The following SORCS1 variants were observed in gnomAD, a reference collection of about 807,000 sequenced individuals.
SORCS1 encodes VPS10 domain-containing receptor SorCS1.
SORCS1 carries 60 observed loss-of-function variants against 146.1 expected under a neutral mutation model. The observed-to-expected ratio is 0.41, with a 90% confidence interval of 0.33 to 0.51. The LOEUF is 0.51. Ranked by LOEUF, SORCS1 falls within the 20% of genes least tolerant of loss-of-function variation. The pLI is 0.21. For missense variants in SORCS1, 1,352 were observed against 1,487.6 expected, an observed-to-expected ratio of 0.91 and a Z score of 1.50; for synonymous variants, 637 against 584.0, an observed-to-expected ratio of 1.09 and a Z score of -1.31.
At chr10:107,174,940 A>T in the SORCS1 span, among the ~76,000 whole-genome samples, 1 of 152,092 alleles carries the variant, frequency 6.6e-6, no homozygotes, top group South Asian at 2.1e-4. Context: ...TATTATATTA[A>T]TTTTTTAAAT....
chr10:106,723,164 C>T lies in SORCS1; in HGVS notation c.1024+6886G>A, dbSNP rs1052996919. 3.9e-5 allele frequency among the ~76,000 whole-genome samples: 6 copies of T among 152,034 alleles called. No individual in the cohort carries two copies. The East Asian group carries it at 5.8e-4, about 15-fold the overall frequency. On this transcript the variant is annotated intron_variant, in intron 6 of 25. Transcript: ENST00000263054. ...GGTGAGACCTTATCTCTACTAAAAA[C>T]GTAAAATAAAATAAAAAAGAATGTT...
chr10:107,080,630 T>C (rs1963260185), intron 1 of SORCS1, among the ~76,000 whole-genome samples: 1 of 152,170 alleles, frequency 6.6e-6, no homozygotes, highest in East Asian at 1.9e-4. Flanking sequence ...ACCGACACAA[T>C]AAGAAAGTAT....
chr10:106,824,788 C>G (rs1948218563), intron 3 of SORCS1, among the ~76,000 whole-genome samples: 1 of 152,094 alleles, frequency 6.6e-6, no homozygotes, highest in African/African-American at 2.4e-5. Context: ...TACCAAGAGA[C>G]CCGTAGGAAT....
upstream of SORCS1, among the ~76,000 whole-genome samples, chr10:107,169,270 T>C (rs1481724666): frequency 1.3e-5 from 2 of 152,184 alleles, no homozygotes; most frequent in Non-Finnish European, 2.9e-5. Flanking sequence ...GTGTCTTGTC[T>C]TGCATTTCAG....
chr10:106,994,851 G>C (rs1193914847), intron 1 of SORCS1, among the ~76,000 whole-genome samples: 1 of 152,170 alleles, frequency 6.6e-6, no homozygotes, highest in East Asian at 1.9e-4. Context: ...CTAGAGGCAG[G>C]CACCAAAATG....
rs560107003 is a variant in SORCS1 at position 107,045,824 on chromosome 10, C to T, written c.559-89244G>A. Among the ~76,000 whole-genome samples the T allele has an allele frequency of 7.4e-5, 11 of 148,124 alleles. No individual in the cohort carries two copies. In the East Asian group the frequency reaches 1.4e-3, roughly 18 times the overall value. On this transcript the variant is annotated intron_variant, in intron 1 of 25. Transcript: ENST00000263054. ...TCTCAGTTGTGTTCTTATTCTGTCA[C>T]CCAGGCTGGAATACAGTGGCATAAC... is the stretch of plus-strand genomic sequence containing the variant.
intron 1 of SORCS1, among the ~76,000 whole-genome samples, chr10:106,993,047 G>C (rs557948661): frequency 6.6e-6 from 1 of 150,850 alleles, no homozygotes; most frequent in Middle Eastern, 3.4e-3. Flanking sequence ...GGCCAGGATG[G>C]TCTCTATCTC....
intron 2 of SORCS1, among the ~76,000 whole-genome samples, chr10:106,868,860 T>A (rs1244904850): frequency 1.3e-5 from 2 of 151,588 alleles, no homozygotes; most frequent in African/African-American, 4.9e-5. Context: ...CTAAAGAAAA[T>A]CACGACATGA....
chr10:107,049,938 G>A (rs1006303624), intron 1 of SORCS1, among the ~76,000 whole-genome samples: 1 of 152,118 alleles, frequency 6.6e-6, no homozygotes, highest in Non-Finnish European at 1.5e-5. Context: ...TAAACGAAAC[G>A]TAATATATCT....
At chr10:106,840,069 G>T (rs1948957860) in intron 2 of SORCS1, among the ~76,000 whole-genome samples, 1 of 152,150 alleles carries the variant, frequency 6.6e-6, no homozygotes, top group Non-Finnish European at 1.5e-5. Context: ...CATCTATTCT[G>T]TACTCCATGG....
At chr10:106,602,554 C>CACACACAA (rs1846314741) in intron 23 of SORCS1, among the ~76,000 whole-genome samples, 1 of 132,950 alleles carries the variant, frequency 7.5e-6, no homozygotes, top group African/African-American at 2.6e-5. Context: ...CACACACAAA[C>CACACACAA]ACACACACAA....
intron 18 of SORCS1, among the ~76,000 whole-genome samples, chr10:106,646,476 A>T (rs756546622): frequency 7.9e-5 from 12 of 151,928 alleles, no homozygotes; most frequent in Non-Finnish European, 1.6e-4. Context: ...TGGGAGGATC[A>T]CTTGAGTTTA....
chr10:107,000,324 G>A (rs1399260040), intron 1 of SORCS1, among the ~76,000 whole-genome samples: 1 of 152,032 alleles, frequency 6.6e-6, no homozygotes, highest in African/African-American at 2.4e-5. Flanking sequence ...ATTTGGCTGG[G>A]CACAATGGCT....
At chr10:106,763,435 C>G (rs1459011654) in intron 4 of SORCS1, among the ~76,000 whole-genome samples, 4 of 152,208 alleles carry the variant, frequency 2.6e-5, no homozygotes, top group Admixed American at 6.5e-5. Flanking sequence ...AGAGGCCCCT[C>G]AAGTGGTGGG....
intron 16 of SORCS1, among the ~76,000 whole-genome samples, chr10:106,670,883 G>A (rs867662781): frequency 1.3e-5 from 2 of 151,738 alleles, no homozygotes; most frequent in Admixed American, 6.6e-5. Context: ...TAGTAGGGAC[G>A]GGGTTTTACC....
At position 106,675,083 on chromosome 10, in the gene SORCS1, G is replaced by A. The variant is rs2135513072; in HGVS notation, c.1906C>T (p.Leu636=). The A allele has an allele frequency of 1.2e-6, 2 of 1,613,704 alleles. No homozygotes were observed. The highest frequency in any genetic ancestry group is 1.7e-5 in the Admixed American group (1 of 59,988). ...TSIPLFVDGV[L]GEPGEETLIM... Reference sequence around the variant, plus strand: ...AGAGTCTCTTCTCCAGGCTCACCCAGAACCCCATCCACAAAAAGTGGAATA... The same window carrying A: ...AGAGTCTCTTCTCCAGGCTCACCCAAAACCCCATCCACAAAAAGTGGAATA... The change falls in exon 14 of 26, where the codon CTG becomes TTG. Residue 636 remains leucine (L), a synonymous_variant. Coordinates refer to ENST00000263054, the MANE Select transcript of SORCS1 (RefSeq NM_052918.5).
intron 10 of SORCS1, among the ~76,000 whole-genome samples, chr10:106,682,792 A>G (rs944499671): frequency 7.2e-5 from 11 of 152,224 alleles, no homozygotes; most frequent in African/African-American, 1.9e-4. Context: ...CAATAGAGTC[A>G]AAGCACAGCC....
At chr10:107,176,684 T>C in the SORCS1 span, among the ~76,000 whole-genome samples, 1 of 152,180 alleles carries the variant, frequency 6.6e-6, no homozygotes, top group African/African-American at 2.4e-5. Flanking sequence ...TTTTCTTTCA[T>C]TGCAATCAGA....
At chr10:106,937,774 G>C (rs1186156684) in intron 2 of SORCS1, among the ~76,000 whole-genome samples, 2 of 151,986 alleles carry the variant, frequency 1.3e-5, no homozygotes, top group Non-Finnish European at 2.9e-5. Flanking sequence ...GACCAGCCTG[G>C]CCAACACAGT....
Sources: allele counts gnomAD v4.1 joint callset (sites outside exome capture counted in the v4.1 genomes callset), GRCh38; gene constraint gnomAD v4.1.1; transcripts MANE v1.5; gene names NCBI Gene and HGNC (gene_info 2026-07-23, HGNC 2026-07-21).